The following WDFY4 variants were observed in gnomAD, a reference collection of about 807,000 sequenced individuals.
WDFY4 encodes WD repeat- and FYVE domain-containing protein 4.
Under a neutral mutation model 351.9 loss-of-function variants are expected in WDFY4, and 169 were observed. That is an observed-to-expected ratio of 0.48 (90% confidence interval 0.42 to 0.55). WDFY4 has a LOEUF of 0.55. Ranked by LOEUF, WDFY4 falls within the 20% of genes least tolerant of loss-of-function variation. The pLI is 0.00. For synonymous variants in WDFY4, 1,622 were observed against 1,574.6 expected (o/e 1.03, Z -0.71); for missense variants, 3,803 against 3,935.6 (o/e 0.97, Z 0.90).
chr10:48,716,299 C>T (rs943473021), intron 2 of WDFY4, among the ~76,000 whole-genome samples: 13 of 152,168 alleles, frequency 8.5e-5, no homozygotes, highest in Non-Finnish European at 2.9e-5. Flanking sequence ...CTGGGTTTTT[C>T]CTCTCATCTC....
intron 60 of WDFY4, among the ~76,000 whole-genome samples, chr10:48,980,676 A>T (rs1398451910): frequency 1.3e-5 from 2 of 152,066 alleles, no homozygotes; most frequent in Non-Finnish European, 2.9e-5. Context: ...CCCCTCATGC[A>T]TTTCCTGGCA....
intron 51 of WDFY4, among the ~76,000 whole-genome samples, chr10:48,948,268 G>A (rs1841152832): frequency 6.6e-6 from 1 of 152,144 alleles, no homozygotes; most frequent in South Asian, 2.1e-4. Context: ...CTTCCCCTGA[G>A]CCTTTCTCAG....
intron 23 of WDFY4, 41 bp downstream of exon 23, chr10:48,790,958 G>T (rs561946046): frequency 1.3e-6 from 2 of 1,546,648 alleles, no homozygotes; most frequent in Admixed American, 2.0e-5. Context: ...CTCCTGAAAG[G>T]GCTGTCATCC....
At chr10:48,751,308 G>T (rs1411087274) in intron 12 of WDFY4, among the ~76,000 whole-genome samples, 1 of 152,218 alleles carries the variant, frequency 6.6e-6, no homozygotes, top group Non-Finnish European at 1.5e-5. Flanking sequence ...ATAAAGGTGA[G>T]ACTCAAAATC....
chr10:48,801,312 G>A (rs1427731525), intron 24 of WDFY4, among the ~76,000 whole-genome samples: 2 of 152,232 alleles, frequency 1.3e-5, no homozygotes, highest in African/African-American at 4.8e-5. Flanking sequence ...TTGTTGCTGT[G>A]TTCTGGAAAG....
At chr10:48,692,482 G>T (rs2063221530) in intron 1 of WDFY4, among the ~76,000 whole-genome samples, 1 of 152,200 alleles carries the variant, frequency 6.6e-6, no homozygotes, top group Non-Finnish European at 1.5e-5. Flanking sequence ...TTTTTGAAGT[G>T]TGTATTTAAT....
At chr10:48,771,136 G>A (rs999977504) in intron 13 of WDFY4, among the ~76,000 whole-genome samples, 2 of 152,214 alleles carry the variant, frequency 1.3e-5, no homozygotes, top group African/African-American at 4.8e-5. Flanking sequence ...CAGGGGCCTG[G>A]GTGAGCCATC....
intron 51 of WDFY4, among the ~76,000 whole-genome samples, chr10:48,953,842 G>A (rs1170707943): frequency 6.6e-6 from 1 of 152,246 alleles, no homozygotes; most frequent in African/African-American, 2.4e-5. Context: ...AGCCACATTG[G>A]AGAGGGGTTT....
chr10:48,890,537 G>A, intron 43 of WDFY4, 42 bp from the exon 44 acceptor site: 1 of 1,550,850 alleles, frequency 6.4e-7, no homozygotes, highest in East Asian at 2.4e-5. Flanking sequence ...TCATGGGCAT[G>A]CTTCCTGTGC....
intron 24 of WDFY4, among the ~76,000 whole-genome samples, chr10:48,800,593 T>C (rs184166486): frequency 6.6e-6 from 1 of 152,114 alleles, no homozygotes; most frequent in Admixed American, 6.5e-5. Flanking sequence ...GGATAGGAAG[T>C]TGTAAGGCAG....
rs147792538 is a variant in WDFY4, at chr10:48,838,302, T to C, written c.6663+5593T>C. 3.9e-5 allele frequency among the ~76,000 whole-genome samples: 6 copies of C among 152,284 alleles called. No homozygotes were observed. The East Asian group carries it at 9.7e-4, about 25-fold the overall frequency. ...CCAATGAAACCAGCAGTGCCCACCA[T>C]TGGGCGCCTTGGAGACTTCAGAGGC... is the stretch of plus-strand genomic sequence containing the variant. On this transcript the variant is annotated intron_variant, in intron 39 of 61. Transcript: ENST00000325239.
At chr10:48,980,729 G>A (rs188808003) in intron 60 of WDFY4, among the ~76,000 whole-genome samples, 72 of 152,298 alleles carry the variant, frequency 4.7e-4, no homozygotes, top group African/African-American at 1.7e-3. Context: ...CAGGACAGCA[G>A]GGGCTGTATC....
intron 47 of WDFY4, chr10:48,913,663 TG>T: frequency 1.2e-6 from 2 of 1,613,744 alleles, no homozygotes; most frequent in South Asian, 2.2e-5. Flanking sequence ...TTGGGGAGCT[TG>T]GAGATGCTCA....
chr10:48,691,516 G>A (rs970060496), intron 1 of WDFY4, among the ~76,000 whole-genome samples: 2 of 152,164 alleles, frequency 1.3e-5, no homozygotes, highest in Non-Finnish European at 2.9e-5. Flanking sequence ...AGCCCCCAGC[G>A]TAGCGGGCTG....
Position 48,733,942 on chromosome 10 carries a change from T to C in WDFY4, c.1594T>C (p.Ser532Pro), listed in dbSNP as rs368985396. 104 of 1,551,596 alleles carry C rather than the reference T, an allele frequency of 6.7e-5. No homozygotes were observed. The East Asian group carries it at 2.4e-3, about 36-fold the overall frequency. ...KIMRKSGNKV[S>P]TPGVQDPERE... ...CTTCAATATGGCAGGAAACAAAGTG[T>C]CCACTCCTGGTGTTCAGGATCCAGA... The change falls in exon 10 of 62, where the codon TCC becomes CCC. Residue 532 changes from serine to proline, a missense_variant. Coordinates refer to ENST00000325239, the MANE Select transcript of WDFY4 (RefSeq NM_001394531.1).
intron 39 of WDFY4, among the ~76,000 whole-genome samples, chr10:48,840,514 T>C (rs141992415): frequency 0.011 from 1,599 of 151,732 alleles, 28 homozygotes; most frequent in African/African-American, 0.037. Flanking sequence ...CACACGTGTA[T>C]ATGCACACCC....
intron 48 of WDFY4, among the ~76,000 whole-genome samples, chr10:48,942,789 G>A (rs990029736): frequency 6.6e-6 from 1 of 152,182 alleles, no homozygotes; most frequent in African/African-American, 2.4e-5. Flanking sequence ...CCCAATACGG[G>A]CCCTGTCTCC....
At chr10:48,922,569 C>T (rs1363640068) in intron 47 of WDFY4, among the ~76,000 whole-genome samples, 1 of 152,128 alleles carries the variant, frequency 6.6e-6, no homozygotes, top group African/African-American at 2.4e-5. Flanking sequence ...TCTTACGGTG[C>T]CTAACTCGTA....
At chr10:48,929,373 A>G (rs1469212471) in intron 47 of WDFY4, among the ~76,000 whole-genome samples, 3 of 152,192 alleles carry the variant, frequency 2.0e-5, no homozygotes, top group Non-Finnish European at 4.4e-5. Context: ...AATAGCCTCT[A>G]GGCTCCAGCA....
Sources: gnomAD v4.1 joint callset for allele counts (sites outside exome capture counted in the v4.1 genomes callset) on GRCh38, gnomAD v4.1.1 for gene constraint, MANE v1.5 for transcripts, NCBI Gene and HGNC (gene_info 2026-07-23, HGNC 2026-07-21) for gene names.